The following ENTPD1 variants were observed in gnomAD, a reference collection of about 807,000 sequenced individuals.
ENTPD1 encodes the protein ATP diphosphohydrolase.
In ENTPD1, 33 loss-of-function variants were observed where a neutral mutation model predicts 57.0. The ratio of observed to expected loss-of-function variants is 0.58; its 90% CI spans 0.44 to 0.77. ENTPD1 has a LOEUF of 0.77. Among genes scored for constraint, ENTPD1 ranks in the 30% least tolerant of loss-of-function variants. The pLI is 0.00. For synonymous variants in ENTPD1, 202 were observed against 218.8 expected, an observed-to-expected ratio of 0.92 and a Z score of 0.68; for missense variants, 501 against 603.4, an observed-to-expected ratio of 0.83 and a Z score of 1.78.
At chr10:95,817,978 C>T (rs2098335738) in intron 1 of ENTPD1, among the ~76,000 whole-genome samples, 1 of 152,176 alleles carries the variant, frequency 6.6e-6, no homozygotes, top group African/African-American at 2.4e-5. Context: ...ATAGTCCCCT[C>T]TCCAACAACT....
exon 1 of ENTPD1, chr10:95,711,893 G>A: frequency 3.7e-6 from 6 of 1,610,946 alleles, no homozygotes; most frequent in Non-Finnish European, 5.1e-6. Context: ...AGTTTTCCTT[G>A]GCCCCTCCAG....
intron 1 of ENTPD1, among the ~76,000 whole-genome samples, chr10:95,801,636 T>C (rs2098250059): frequency 1.3e-5 from 2 of 152,046 alleles, no homozygotes; most frequent in African/African-American, 4.8e-5. Context: ...GCGTGATCTC[T>C]GCTTATTGTA....
intron 1 of ENTPD1, among the ~76,000 whole-genome samples, chr10:95,814,560 C>T (rs2098323258): frequency 6.6e-6 from 1 of 152,136 alleles, no homozygotes; most frequent in African/African-American, 2.4e-5. Flanking sequence ...TCTGCACCCC[C>T]ACCCACATCT....
the ENTPD1 span, among the ~76,000 whole-genome samples, chr10:95,706,591 G>A: frequency 0.037 from 5,647 of 152,302 alleles, 130 homozygotes; most frequent in Non-Finnish European, 0.049. Context: ...GGTCTCTGCA[G>A]GCCTCTCAAA....
Position 95,868,566 on chromosome 10 carries a change from G to A in ENTPD1, c.*2183G>A. ...CAATAACAGCCGCTTTTTTCCTTCT[G>A]TCTGCGTATACAAAGCACTGTCATG... On this transcript the variant is annotated 3_prime_UTR_variant, in exon 10 of 10. Transcript: ENST00000371205. 3 of 985,374 alleles carry A rather than the reference G, an allele frequency of 3.0e-6. No individual in the cohort carries two copies. The highest frequency in any genetic ancestry group is 3.6e-6 in the Non-Finnish European group (3 of 829,944). The allele number at this position is 985,374 out of a possible 1,614,324, so 61.0% of individuals were successfully genotyped here.
chr10:95,803,214 G>T (rs142817949), intron 1 of ENTPD1, among the ~76,000 whole-genome samples: 1 of 152,116 alleles, frequency 6.6e-6, no homozygotes, highest in Non-Finnish European at 1.5e-5. Context: ...CCATTTGTTT[G>T]TGTCATCTTT....
the ENTPD1 span, among the ~76,000 whole-genome samples, chr10:95,696,747 A>T: frequency 6.6e-6 from 1 of 152,342 alleles, no homozygotes; most frequent in Non-Finnish European, 1.5e-5. Flanking sequence ...TTAAATTGAG[A>T]TCATATAATA....
intron 1 of ENTPD1, among the ~76,000 whole-genome samples, chr10:95,761,047 G>A (rs959891098): frequency 5.3e-5 from 8 of 151,924 alleles, no homozygotes; most frequent in African/African-American, 1.7e-4. Flanking sequence ...AGCCAGGATG[G>A]TCTCGATCTC....
At chr10:95,789,518 C>G (rs1409433090) in intron 1 of ENTPD1, among the ~76,000 whole-genome samples, 1 of 151,886 alleles carries the variant, frequency 6.6e-6, no homozygotes, top group Non-Finnish European at 1.5e-5. Flanking sequence ...TACATTTGAC[C>G]CTTGCACAAC....
intron 1 of ENTPD1, among the ~76,000 whole-genome samples, chr10:95,787,604 T>C (rs1020736874): frequency 1.3e-5 from 2 of 152,166 alleles, no homozygotes; most frequent in Non-Finnish European, 2.9e-5. Flanking sequence ...AGGCTCTGGA[T>C]GAAGTATTTC....
At chr10:95,846,696 CT>C (rs1280804142) in intron 6 of ENTPD1, among the ~76,000 whole-genome samples, 2 of 151,848 alleles carry the variant, frequency 1.3e-5, no homozygotes, top group Admixed American at 1.3e-4. Flanking sequence ...TTAGAAATTA[CT>C]TTTTTTTGGG....
At chr10:95,863,566 T>C in intron 8 of ENTPD1, among the ~76,000 whole-genome samples, 1 of 152,072 alleles carries the variant, frequency 6.6e-6, no homozygotes, top group East Asian at 1.9e-4. Flanking sequence ...CCAAGCTGGG[T>C]CATTCTGAGA....
intron 1 of ENTPD1, among the ~76,000 whole-genome samples, chr10:95,774,053 G>T (rs1172792686): frequency 6.6e-6 from 1 of 152,162 alleles, no homozygotes; most frequent in Non-Finnish European, 1.5e-5. Flanking sequence ...GTATCTCATT[G>T]TGGTTTTGAT....
At chr10:95,823,506 A>G (rs2098361832) in intron 2 of ENTPD1, 142 bp downstream of exon 2, 3 of 1,294,958 alleles carry the variant, frequency 2.3e-6, no homozygotes, top group African/African-American at 2.9e-5. Flanking sequence ...CCACTGGATT[A>G]GGGGAGTAAA....
At chr10:95,708,878 TTAA>T (rs1269544418), upstream of ENTPD1, among the ~76,000 whole-genome samples, 2 of 152,162 alleles carry the variant, frequency 1.3e-5, no homozygotes, top group Admixed American at 6.5e-5. Context: ...TGAAAAACAG[TTAA>T]TAATAATTTC....
rs774770501 is a variant in ENTPD1, at chr10:95,860,489, T to G, written c.1095T>G (p.Phe365Leu). Reference protein sequence around the residue: ...GDFGAFSAFYFVMKFLNLTSE... With the variant: ...GDFGAFSAFYLVMKFLNLTSE... ...TGTAGGCATTTTCAGCTTTTTACTT[T>G]GTGATGAAGTTTTTAAACTTGACAT... Residue 365 changes from phenylalanine to leucine, a missense_variant, in exon 8 of 10, where the codon TTT becomes TTG. Phe to Leu is a conservative substitution (Grantham distance 22, BLOSUM62 0). Transcript: ENST00000371205. The G allele has an allele frequency of 2.5e-6, 4 of 1,613,708 alleles. No homozygotes were observed. In the South Asian group the frequency reaches 4.4e-5, roughly 18 times the overall value.
upstream of ENTPD1, among the ~76,000 whole-genome samples, chr10:95,751,132 TAGAG>T (rs1174818828): frequency 6.6e-6 from 1 of 152,036 alleles, no homozygotes; most frequent in Non-Finnish European, 1.5e-5. Flanking sequence ...TTTAGAGAGG[TAGAG>T]AGAGTCCTTA....
chr10:95,712,185 C>T (rs944374940), intron 1 of ENTPD1, among the ~76,000 whole-genome samples: 6 of 152,258 alleles, frequency 3.9e-5, no homozygotes, highest in East Asian at 3.9e-4. Context: ...TCACATTGTT[C>T]GGTCCCTTTC....
intron 1 of ENTPD1, among the ~76,000 whole-genome samples, chr10:95,728,862 A>G (rs555168295): frequency 2.4e-4 from 36 of 152,232 alleles, no homozygotes; most frequent in African/African-American, 8.2e-4. Context: ...ATTTCTCTCA[A>G]CTGCAAATGG....
Sources: gnomAD v4.1 joint callset for allele counts (sites outside exome capture counted in the v4.1 genomes callset) on GRCh38, gnomAD v4.1.1 for gene constraint, MANE v1.5 for transcripts, NCBI Gene and HGNC (gene_info 2026-07-23, HGNC 2026-07-21) for gene names.